Variants in SLC22A15 observed in about 807,000 individuals in gnomAD.
The protein encoded by SLC22A15 is flipt 1.
Under a neutral mutation model 62.7 loss-of-function variants are expected in SLC22A15, and 45 were observed. The ratio of observed to expected loss-of-function variants is 0.72; its 90% CI spans 0.56 to 0.92. The LOEUF is 0.92. Ranked by LOEUF, SLC22A15 falls within the 40% of genes least tolerant of loss-of-function variation. The pLI is 0.00. For synonymous variants in SLC22A15, 264 were observed against 267.0 expected, an observed-to-expected ratio of 0.99 and a Z score of 0.11; for missense variants, 622 against 665.6, an observed-to-expected ratio of 0.93 and a Z score of 0.72.
In SLC22A15 at chr1:116,031,791, G is replaced by A; in HGVS notation, c.944+210G>A. 6 of 1,414,428 alleles carry A rather than the reference G, an allele frequency of 4.2e-6. No individual in the cohort carries two copies. In the South Asian group the frequency reaches 7.8e-5, roughly 18 times the overall value. 87.6% of individuals were successfully genotyped at this position (1,414,428 alleles called of 1,614,324 possible). A position where few individuals can be genotyped will look rare whatever the true frequency, so the allele number is the denominator to read the frequency against. The stretch of plus-strand genomic sequence containing the variant: ...CAAGTAGCAGATGATAGTGCCTGAT[G>A]GGCAGGTCCACTGAGCTTGAGTAAG... On this transcript the variant is annotated intron_variant, in intron 6 of 11. Transcript: ENST00000369503.
At chr1:116,019,560 C>A in intron 2 of SLC22A15, 22 bp from the exon 3 acceptor site, 1 of 1,577,908 alleles carries the variant, frequency 6.3e-7, no homozygotes, top group African/African-American at 1.4e-5. Flanking sequence ...ACATGTCTCT[C>A]TTTTGTTTTA....
chr1:116,018,003 A>T (rs1159704592), intron 2 of SLC22A15, among the ~76,000 whole-genome samples: 2 of 152,240 alleles, frequency 1.3e-5, no homozygotes, highest in African/African-American at 2.4e-5. Flanking sequence ...TTCTTTTGTC[A>T]TAAATATACG....
At chr1:116,051,557 T>G (rs1184358295) in intron 8 of SLC22A15, among the ~76,000 whole-genome samples, 1 of 152,068 alleles carries the variant, frequency 6.6e-6, no homozygotes, top group Non-Finnish European at 1.5e-5. Context: ...TATACAAAAA[T>G]CAGCTCAAGA....
intron 6 of SLC22A15, among the ~76,000 whole-genome samples, chr1:116,033,461 C>CTAA (rs1657503912): frequency 6.6e-6 from 1 of 152,072 alleles, no homozygotes; most frequent in African/African-American, 2.4e-5. Context: ...TCTCTCACCA[C>CTAA]CAGCTGGGAA....
rs568332633 is a variant in SLC22A15 at position 116,052,261 on chromosome 1, G to A, written c.1172-10501G>A. Among the ~76,000 whole-genome samples the A allele has an allele frequency of 3.0e-3, 464 of 152,310 alleles. 4 individuals carry two copies. Among genetic ancestry groups the A allele is most frequent in the African/African-American group, 8.1e-3 (338 of 41,580 alleles). ...GGAGATTATATCCCGCACCTGGCTC[G>A]GAGGGTCCTACGCCCACGGAGTCTC... is the stretch of plus-strand genomic sequence containing the variant. On this transcript the variant is annotated intron_variant, in intron 8 of 11. Transcript: ENST00000369503.
At chr1:116,066,150 G>A (rs1164062551) in intron 10 of SLC22A15, among the ~76,000 whole-genome samples, 4 of 152,192 alleles carry the variant, frequency 2.6e-5, no homozygotes, top group Non-Finnish European at 5.9e-5. Flanking sequence ...TGTGCAAAGT[G>A]TGCTCACCTG....
At position 116,059,134 on chromosome 1, in the gene SLC22A15, A is replaced by G. The variant is rs182141358; in HGVS notation, c.1172-3628A>G. ...AAAATAAAAATAAAAATGAAACCAC[A>G]GTGGGATGCCACAGGACACTGATTA... On this transcript the variant is annotated intron_variant, in intron 8 of 11. Transcript: ENST00000369503. Among the ~76,000 whole-genome samples, 5 of 152,330 alleles carry G rather than the reference A, an allele frequency of 3.3e-5. No homozygotes were observed. The East Asian group carries it at 9.6e-4, about 29-fold the overall frequency.
Position 116,031,443 on chromosome 1 carries a change from C to G in SLC22A15, c.806C>G (p.Ala269Gly), listed in dbSNP as rs754520667. Residue 269 changes from alanine to glycine, a missense_variant, in exon 6 of 12, where the codon GCC becomes GGC. By Grantham distance (60) the Ala-to-Gly change is moderately conservative (BLOSUM62 0). Transcript: ENST00000369503. ...SEAEEALYLI[A>G]KRNRKLKCTF... ...GCTGAAGAGGCGCTGTACCTCATTG[C>G]CAAGAGGAACCGCAAACTCAAGTGC... The G allele has an allele frequency of 1.4e-5, 23 of 1,613,808 alleles. No individual in the cohort carries two copies. The highest frequency in any genetic ancestry group is 1.9e-5 in the Non-Finnish European group (23 of 1,179,880).
chr1:116,035,033 A>T (rs918690205), intron 6 of SLC22A15, among the ~76,000 whole-genome samples, 154 bp from the exon 7 acceptor site: 1 of 152,230 alleles, frequency 6.6e-6, no homozygotes. Context: ...TTAGATTAAA[A>T]TAGAAAAATT....
At chr1:115,984,522 G>A (rs951935434) in intron 1 of SLC22A15, among the ~76,000 whole-genome samples, 4 of 152,134 alleles carry the variant, frequency 2.6e-5, no homozygotes, top group Non-Finnish European at 4.4e-5. Flanking sequence ...GCGACACTGG[G>A]CCCATAAGAT....
At chr1:115,979,578 G>A (rs1557866638) in intron 1 of SLC22A15, among the ~76,000 whole-genome samples, 2 of 152,146 alleles carry the variant, frequency 1.3e-5, no homozygotes, top group Non-Finnish European at 2.9e-5. Flanking sequence ...AGAGCTATCT[G>A]CGATATTTAA....
chr1:116,008,010 C>G (rs1012639787), intron 2 of SLC22A15, among the ~76,000 whole-genome samples: 3 of 152,158 alleles, frequency 2.0e-5, no homozygotes, highest in African/African-American at 7.2e-5. Context: ...TCCATGAGAA[C>G]AGGGTGAAGA....
At chr1:116,026,769 C>CG in intron 4 of SLC22A15, 124 bp from the exon 5 acceptor site, 1 of 1,107,522 alleles carries the variant, frequency 9.0e-7, no homozygotes, top group South Asian at 1.9e-5. Flanking sequence ...TCTGGTGTGC[C>CG]TCTTATAGTT....
At chr1:116,031,955 A>C in intron 6 of SLC22A15, 1 of 1,071,766 alleles carries the variant, frequency 9.3e-7, no homozygotes, top group Non-Finnish European at 1.1e-6. Context: ...GACTTTAAAA[A>C]TACTTACCTT....
chr1:116,034,974 A>C (rs1401451530), intron 6 of SLC22A15, among the ~76,000 whole-genome samples: 1 of 152,202 alleles, frequency 6.6e-6, no homozygotes, highest in Non-Finnish European at 1.5e-5. Context: ...CATAGCTCAA[A>C]TTATTTCCAA....
At chr1:116,018,802 A>G (rs1038894325) in intron 2 of SLC22A15, among the ~76,000 whole-genome samples, 1 of 152,320 alleles carries the variant, frequency 6.6e-6, no homozygotes, top group Non-Finnish European at 1.5e-5. Context: ...GAAGCTGTAT[A>G]TTATTGTTAG....
At chr1:116,040,633 T>G (rs1191511363) in intron 8 of SLC22A15, among the ~76,000 whole-genome samples, 1 of 152,150 alleles carries the variant, frequency 6.6e-6, no homozygotes, top group African/African-American at 2.4e-5. Flanking sequence ...ATGGTTTGTT[T>G]TGAGACAGGG....
At chr1:115,994,893 G>A (rs1462906630) in intron 2 of SLC22A15, among the ~76,000 whole-genome samples, 2 of 152,056 alleles carry the variant, frequency 1.3e-5, no homozygotes, top group Admixed American at 1.3e-4. Context: ...TGATAGCATT[G>A]TATTTTCCTC....
intron 8 of SLC22A15, 198 bp downstream of exon 8, chr1:116,037,586 C>T: frequency 8.0e-6 from 4 of 498,326 alleles, no homozygotes; most frequent in Non-Finnish European, 1.4e-5. Flanking sequence ...TAGAGGTGCA[C>T]TATTAATTCT....
Sources: gnomAD v4.1 joint callset for allele counts (sites outside exome capture counted in the v4.1 genomes callset) on GRCh38, gnomAD v4.1.1 for gene constraint, MANE v1.5 for transcripts, NCBI Gene and HGNC (gene_info 2026-07-23, HGNC 2026-07-21) for gene names.